Variants in AFAP1 observed in about 807,000 individuals in gnomAD.
AFAP1 encodes actin filament-associated protein 1.
A neutral mutation model predicts 93.9 loss-of-function variants in AFAP1; 75 were observed. That is an observed-to-expected ratio of 0.80 (90% CI 0.66 to 0.97). The LOEUF (loss-of-function observed/expected upper bound fraction) is 0.97. Ranked by LOEUF, AFAP1 falls within the 50% of genes least tolerant of loss-of-function variation. The pLI, the probability that AFAP1 is intolerant of heterozygous loss-of-function variation, is 0.00. For missense variants in AFAP1, 1,201 were observed against 1,050.8 expected (o/e 1.14, Z -1.98); for synonymous variants, 517 against 430.7 (o/e 1.20, Z -2.48).
Position 7,772,827 on chromosome 4 carries a change from C to T in AFAP1, c.2246G>A (p.Ser749Asn), listed in dbSNP as rs1195068309. The T allele has an allele frequency of 3.1e-6, 5 of 1,613,710 alleles. No homozygotes were observed. The highest frequency in any genetic ancestry group is 4.2e-6 in the Non-Finnish European group (5 of 1,179,928). The change falls in exon 16 of 18, where the codon AGT (serine) becomes AAT (asparagine). Residue 749 changes from serine (S) to asparagine (N), a missense_variant. Physicochemically the swap from Ser to Asn is conservative, Grantham distance 46. Coordinates refer to ENST00000420658, the MANE Select transcript of AFAP1 (RefSeq NM_001134647.2). ...AGCCAGAAGGACACACACCTGTGGA[C>T]TCGATGTCCCTGACTTGGGCTCGAT... ...LAIEPKSGTS[S>N]PQSPVFRHRT... is the part of the protein sequence containing the mutation.
chr4:7,888,425 A>G (rs1419415035), intron 1 of AFAP1, among the ~76,000 whole-genome samples: 1 of 152,216 alleles, frequency 6.6e-6, no homozygotes, highest in South Asian at 2.1e-4. Context: ...GAGAGAGGGG[A>G]CATGGGTCAC....
At chr4:7,782,229 G>A (rs542196651) in intron 12 of AFAP1, among the ~76,000 whole-genome samples, 20 of 152,364 alleles carry the variant, frequency 1.3e-4, no homozygotes, top group African/African-American at 4.3e-4. Flanking sequence ...GTGGCAGAGC[G>A]GAGGGAAGGG....
chr4:7,862,993 C>A (rs914029656), intron 3 of AFAP1, among the ~76,000 whole-genome samples: 1 of 152,320 alleles, frequency 6.6e-6, no homozygotes, highest in South Asian at 2.1e-4. Context: ...CGGCAGCCAG[C>A]GTCAGCACAG....
intron 4 of AFAP1, among the ~76,000 whole-genome samples, chr4:7,851,665 G>A (rs1714455818): frequency 6.6e-6 from 1 of 152,144 alleles, no homozygotes; most frequent in Non-Finnish European, 1.5e-5. Flanking sequence ...AGGAATAGAG[G>A]TTATGCATGA....
At chr4:7,809,545 A>C (rs1719827005) in intron 9 of AFAP1, 69 bp downstream of exon 9, 1 of 1,536,608 alleles carries the variant, frequency 6.5e-7, no homozygotes. Flanking sequence ...CTGGGTACCG[A>C]CACCACTGCA....
chr4:7,820,185 C>T (rs1410824905), intron 6 of AFAP1, among the ~76,000 whole-genome samples: 1 of 152,124 alleles, frequency 6.6e-6, no homozygotes, highest in Non-Finnish European at 1.5e-5. Context: ...CCAGGCCCAG[C>T]TGGATTGGAC....
At chr4:7,886,432 G>C (rs1053490443) in intron 1 of AFAP1, among the ~76,000 whole-genome samples, 2 of 152,132 alleles carry the variant, frequency 1.3e-5, no homozygotes, top group Non-Finnish European at 2.9e-5. Flanking sequence ...CTCTGAAAGT[G>C]GGATCTTTAA....
At chr4:7,914,967 T>C (rs1720001765) in intron 1 of AFAP1, among the ~76,000 whole-genome samples, 2 of 152,206 alleles carry the variant, frequency 1.3e-5, no homozygotes, top group Non-Finnish European at 2.9e-5. Flanking sequence ...CAGGCTGGTC[T>C]TGAACTCCTG....
intron 6 of AFAP1, among the ~76,000 whole-genome samples, chr4:7,831,334 T>C (rs1484215925): frequency 1.3e-5 from 2 of 151,296 alleles, no homozygotes; most frequent in Admixed American, 6.6e-5. Context: ...TTAAACTCTT[T>C]AGAAAAGATA....
Position 7,778,566 on chromosome 4 carries a change from T to G in AFAP1, c.1897+196A>C, listed in dbSNP as rs189793999. 13 of 626,422 alleles carry G rather than the reference T, an allele frequency of 2.1e-5. No homozygotes were observed. The African/African-American group carries it at 2.4e-4, about 11-fold the overall frequency. The allele number at this position is 626,422 out of a possible 1,614,324, so 38.8% of individuals were successfully genotyped here. A position where few individuals can be genotyped will look rare whatever the true frequency, so the allele number is the denominator to read the frequency against. On this transcript the variant is annotated intron_variant, in intron 14 of 17. Transcript: ENST00000420658. ...TGGCAAACCAGTTCTGGGCTTCAAT[T>G]TACAAGCAGTCAGAAAAGCTGGGTT...
Position 7,781,603 on chromosome 4 carries a change from C to G in AFAP1, c.1555G>C (p.Ala519Pro). The G allele has an allele frequency of 6.4e-7, 1 of 1,551,792 alleles. No individual in the cohort carries two copies. Among genetic ancestry groups the G allele is most frequent in the South Asian group, 1.2e-5 (1 of 84,060 alleles). The change falls in exon 13 of 18, where the codon GCT becomes CCT. Residue 519 changes from alanine to proline, a missense_variant. Coordinates refer to ENST00000420658, the MANE Select transcript of AFAP1 (RefSeq NM_001134647.2). ...GSWEPEDGFP[A>P]SCSRGLGEEV... ...TCTCCCAAGCCTCTGCTGCAGGAAG[C>G]AGGAAAGCCGTCTTCCGGTTCCCAC... is the stretch of plus-strand genomic sequence containing the variant.
intron 4 of AFAP1, 152 bp from the exon 5 acceptor site, chr4:7,843,502 A>G (rs1456300459): frequency 4.1e-6 from 3 of 734,834 alleles, no homozygotes; most frequent in African/African-American, 1.8e-5. Flanking sequence ...AAACAAAAAC[A>G]AAAATAAAAA....
At chr4:7,909,280 T>C (rs4487321) in intron 1 of AFAP1, among the ~76,000 whole-genome samples, 134,177 of 152,178 alleles carry the variant, frequency 0.88, 59,396 homozygotes, top group African/African-American at 0.96. Context: ...TTTATATAAG[T>C]TTAAAAACTT....
rs768634268 is a variant in AFAP1, at chr4:7,768,899, CTCT to C, written c.2360_2362del (p.Lys787del). ...GGGGGAGCTGCCCGGGGCAGCCTGGCTCTTCTTCAAGACGGCCGCGCTGTTCAC... is the reference window on the plus strand; with the variant it reads ...GGGGGAGCTGCCCGGGGCAGCCTGGCTCTTCAAGACGGCCGCGCTGTTCAC... On this transcript the variant is annotated inframe_deletion, in exon 17 of 18. Coordinates refer to ENST00000420658, the MANE Select transcript of AFAP1 (RefSeq NM_001134647.2). 1.4e-5 allele frequency: 23 copies of C among 1,612,318 alleles called. No individual in the cohort carries two copies. The highest frequency in any genetic ancestry group is 1.3e-4 in the African/African-American group (10 of 74,906).
chr4:7,864,564 T>C (rs1295710431), intron 3 of AFAP1, among the ~76,000 whole-genome samples: 1 of 152,214 alleles, frequency 6.6e-6, no homozygotes, highest in Non-Finnish European at 1.5e-5. Flanking sequence ...TTGACAGCTG[T>C]TCTCTATTCC....
intron 10 of AFAP1, chr4:7,799,085 G>A (rs1388275073): frequency 2.0e-6 from 2 of 985,762 alleles, no homozygotes; most frequent in Non-Finnish European, 2.4e-6. Context: ...ACTGACTCTA[G>A]CTCAGCATTC....
At chr4:7,854,954 A>G (rs1714881146) in intron 4 of AFAP1, among the ~76,000 whole-genome samples, 1 of 152,228 alleles carries the variant, frequency 6.6e-6, no homozygotes, top group South Asian at 2.1e-4. Flanking sequence ...TGGGGCCAGG[A>G]GAACCAGAAC....
At chr4:7,808,308 C>T (rs1346685046) in intron 9 of AFAP1, among the ~76,000 whole-genome samples, 5 of 152,188 alleles carry the variant, frequency 3.3e-5, no homozygotes, top group Non-Finnish European at 7.3e-5. Context: ...GGAGACCACC[C>T]CACAATGCTG....
intron 17 of AFAP1, among the ~76,000 whole-genome samples, chr4:7,764,262 T>C (rs897174478): frequency 1.3e-5 from 2 of 152,192 alleles, no homozygotes; most frequent in Non-Finnish European, 2.9e-5. Flanking sequence ...GAAAGTGGGC[T>C]GGGTGCAGTG....
Sources: allele counts gnomAD v4.1 joint callset (sites outside exome capture counted in the v4.1 genomes callset), GRCh38; gene constraint gnomAD v4.1.1; transcripts MANE v1.5; gene names NCBI Gene and HGNC (gene_info 2026-07-23, HGNC 2026-07-21).